The following NKAIN2 variants were observed in gnomAD, a reference collection of about 807,000 sequenced individuals.
The protein encoded by NKAIN2 is sodium/potassium-transporting ATPase subunit beta-1-interacting protein 2.
In NKAIN2, 14 loss-of-function variants were observed where a neutral mutation model predicts 32.6. That is an observed-to-expected ratio of 0.43 (90% CI 0.28 to 0.67). The LOEUF is 0.67. Among genes scored for constraint, NKAIN2 ranks in the 30% least tolerant of loss-of-function variants. The probability of loss-of-function intolerance (pLI) is 0.17; values close to 1 mark genes in which losing one functional copy is unlikely to be tolerated. For missense variants in NKAIN2, 198 were observed against 258.3 expected (o/e 0.77, Z 1.60); for synonymous variants, 80 against 87.2 (o/e 0.92, Z 0.46).
At chr6:124,495,699 A>G (rs1014256084) in intron 3 of NKAIN2, among the ~76,000 whole-genome samples, 7 of 152,110 alleles carry the variant, frequency 4.6e-5, no homozygotes, top group African/African-American at 1.7e-4. Flanking sequence ...ATTCCAAAGG[A>G]TTCTAAGAGA....
At chr6:124,449,737 G>GT (rs1268568732) in intron 3 of NKAIN2, among the ~76,000 whole-genome samples, 2 of 151,946 alleles carry the variant, frequency 1.3e-5, no homozygotes, top group Non-Finnish European at 2.9e-5. Flanking sequence ...TCATTATAAA[G>GT]TTTTGTTGAA....
intron 3 of NKAIN2, among the ~76,000 whole-genome samples, chr6:124,579,873 T>C (rs1032462213): frequency 6.6e-6 from 1 of 152,256 alleles, no homozygotes; most frequent in South Asian, 2.1e-4. Flanking sequence ...CTCCAATACA[T>C]CTGGCAGCAG....
At chr6:124,549,194 G>A (rs886189770) in intron 3 of NKAIN2, among the ~76,000 whole-genome samples, 2 of 151,944 alleles carry the variant, frequency 1.3e-5, no homozygotes, top group Non-Finnish European at 2.9e-5. Context: ...GTAAAACCCC[G>A]TCTCTACTAA....
chr6:124,824,361 G>C lies in NKAIN2; in HGVS notation c.*1132G>C, dbSNP rs959980891. 1.3e-5 allele frequency: 2 copies of C among 152,364 alleles called. No homozygotes were observed. The highest frequency in any genetic ancestry group is 4.8e-5 in the African/African-American group (2 of 41,388). 9.4% of individuals were successfully genotyped at this position (152,364 alleles called of 1,614,324 possible). On this transcript the variant is annotated 3_prime_UTR_variant, in exon 7 of 7. Coordinates refer to ENST00000368417, the MANE Select transcript of NKAIN2 (RefSeq NM_001040214.3). ...CAGTGTACAAGATTATTTTTGGGTG[G>C]GTGGGGGGAGCAATAGTTACCTTGG...
At chr6:124,314,010 G>A (rs1206325378) in intron 2 of NKAIN2, among the ~76,000 whole-genome samples, 2 of 152,070 alleles carry the variant, frequency 1.3e-5, no homozygotes, top group East Asian at 3.9e-4. Flanking sequence ...TGGGAAAAGG[G>A]CACAAACTAG....
intron 3 of NKAIN2, among the ~76,000 whole-genome samples, chr6:124,524,517 T>TTATTATTAGTA (rs1779239832): frequency 6.6e-6 from 1 of 152,204 alleles, no homozygotes; most frequent in African/African-American, 2.4e-5. Flanking sequence ...CATCCATACT[T>TTATTATTAGTA]GTTTCTAGCT....
chr6:124,338,137 C>T (rs923080815), intron 2 of NKAIN2, among the ~76,000 whole-genome samples: 1 of 152,134 alleles, frequency 6.6e-6, no homozygotes, highest in Non-Finnish European at 1.5e-5. Flanking sequence ...ATAAGAATCA[C>T]AGATGCCTTC....
At chr6:124,771,764 T>C (rs1410610124) in intron 4 of NKAIN2, among the ~76,000 whole-genome samples, 1 of 152,194 alleles carries the variant, frequency 6.6e-6, no homozygotes, top group East Asian at 1.9e-4. Context: ...TTTTAAAAAG[T>C]GTTTATTTCT....
chr6:124,643,446 C>G (rs1784062099), intron 3 of NKAIN2, among the ~76,000 whole-genome samples: 1 of 152,146 alleles, frequency 6.6e-6, no homozygotes, highest in Non-Finnish European at 1.5e-5. Flanking sequence ...AGGCACCATA[C>G]CATTTGAATT....
At chr6:123,814,340 G>C (rs1193928411) in intron 1 of NKAIN2, among the ~76,000 whole-genome samples, 2 of 152,140 alleles carry the variant, frequency 1.3e-5, no homozygotes, top group African/African-American at 2.4e-5. Flanking sequence ...AGTTTCACAG[G>C]CTCTTAGAGA....
At chr6:124,373,152 A>G (rs981094260) in intron 3 of NKAIN2, among the ~76,000 whole-genome samples, 1 of 152,100 alleles carries the variant, frequency 6.6e-6, no homozygotes, top group Non-Finnish European at 1.5e-5. Flanking sequence ...ATATATCCTA[A>G]TGTCATATAA....
intron 3 of NKAIN2, among the ~76,000 whole-genome samples, chr6:124,625,187 GAA>G (rs1783267128): frequency 7.4e-6 from 1 of 134,322 alleles, no homozygotes; most frequent in Non-Finnish European, 1.6e-5. Flanking sequence ...ATCAAAGAAA[GAA>G]TATGAACATA....
chr6:124,525,441 C>A (rs1779275534), intron 3 of NKAIN2, among the ~76,000 whole-genome samples: 2 of 152,012 alleles, frequency 1.3e-5, no homozygotes, highest in Non-Finnish European at 2.9e-5. Context: ...TAGAATCTAG[C>A]TAGAATGTGA....
chr6:124,587,750 T>C (rs1781761737), intron 3 of NKAIN2, among the ~76,000 whole-genome samples: 1 of 152,132 alleles, frequency 6.6e-6, no homozygotes, highest in South Asian at 2.1e-4. Flanking sequence ...TCTGGTCCTC[T>C]CCCAAACCCT....
intron 1 of NKAIN2, among the ~76,000 whole-genome samples, chr6:123,932,004 C>T (rs1776271821): frequency 6.6e-6 from 1 of 152,124 alleles, no homozygotes; most frequent in African/African-American, 2.4e-5. Flanking sequence ...ACACTTTTAT[C>T]ATTTTTCACT....
intron 3 of NKAIN2, among the ~76,000 whole-genome samples, chr6:124,632,056 T>TATCACAATATTTTTCTCCATGTGATTTCC (rs1783590084): frequency 3.9e-5 from 6 of 152,316 alleles, no homozygotes; most frequent in Non-Finnish European, 7.3e-5. Flanking sequence ...ATTAAAATTA[T>TATCACAATATTTTTCTCCATGTGATTTCC]ATCACAATAT....
At chr6:124,660,618 T>C (rs1479042) in intron 4 of NKAIN2, among the ~76,000 whole-genome samples, 30,696 of 152,088 alleles carry the variant, frequency 0.2, 3,254 homozygotes, top group East Asian at 0.34. Context: ...ATAGTTTGAG[T>C]AAACCATCCT....
chr6:124,168,977 CTAGT>C (rs977204936), intron 1 of NKAIN2, among the ~76,000 whole-genome samples: 1 of 152,072 alleles, frequency 6.6e-6, no homozygotes, highest in African/African-American at 2.4e-5. Flanking sequence ...TTTAGTAAAG[CTAGT>C]TAAAAAATTC....
chr6:124,278,747 A>T (rs1322596168), intron 1 of NKAIN2, among the ~76,000 whole-genome samples: 1 of 147,484 alleles, frequency 6.8e-6, no homozygotes, highest in Non-Finnish European at 1.5e-5. Flanking sequence ...AATTAATAAA[A>T]CCTGTTATAT....
Sources: allele counts gnomAD v4.1 joint callset (sites outside exome capture counted in the v4.1 genomes callset), GRCh38; gene constraint gnomAD v4.1.1; transcripts MANE v1.5; gene names NCBI Gene and HGNC (gene_info 2026-07-23, HGNC 2026-07-21).